TFDP2: variants seen among roughly 807,000 people sequenced by gnomAD.
The protein encoded by TFDP2 is transcription factor Dp-2 (E2F dimerization partner 2).
Under a neutral mutation model 59.3 loss-of-function variants are expected in TFDP2, and 17 were observed. The ratio of observed to expected loss-of-function variants is 0.29; its 90% CI spans 0.20 to 0.43. The LOEUF is 0.43. TFDP2 is among the 20% of genes least tolerant of loss of function. The probability of loss-of-function intolerance (pLI) is 1.00; values close to 1 mark genes in which losing one functional copy is unlikely to be tolerated. For synonymous variants in TFDP2, 180 were observed against 194.7 expected (o/e 0.92, Z 0.63); for missense variants, 391 against 528.8 (o/e 0.74, Z 2.56).
At chr3:142,056,115 G>A (rs755518166) in intron 3 of TFDP2, among the ~76,000 whole-genome samples, 2 of 151,146 alleles carry the variant, frequency 1.3e-5, no homozygotes, top group East Asian at 1.9e-4. Context: ...CACCACATCC[G>A]GCTAATTTTT....
chr3:141,973,059 G>T (rs1288192313), intron 8 of TFDP2, among the ~76,000 whole-genome samples: 1 of 141,162 alleles, frequency 7.1e-6, no homozygotes, highest in African/African-American at 2.6e-5. Context: ...GAGAAAAACA[G>T]GAAACCAATC....
chr3:142,091,844 A>G (rs2108615992), intron 3 of TFDP2, among the ~76,000 whole-genome samples: 1 of 152,238 alleles, frequency 6.6e-6, no homozygotes, highest in African/African-American at 2.4e-5. Context: ...ATGAGAATCT[A>G]ATGCTCACTT....
chr3:142,133,434 G>C (rs2062591160), intron 1 of TFDP2, among the ~76,000 whole-genome samples: 1 of 149,662 alleles, frequency 6.7e-6, no homozygotes, highest in South Asian at 2.1e-4. Context: ...TCATACTCCT[G>C]GGCTCAAACC....
chr3:141,977,106 A>ATATT (rs1371079134), intron 7 of TFDP2, among the ~76,000 whole-genome samples: 3 of 97,520 alleles, frequency 3.1e-5, no homozygotes, highest in Admixed American at 1.1e-4. Flanking sequence ...ATATATATAT[A>ATATT]TTTTTTTTTT....
chr3:142,051,753 T>C (rs887653219), intron 3 of TFDP2, among the ~76,000 whole-genome samples: 3 of 152,214 alleles, frequency 2.0e-5, no homozygotes, highest in Non-Finnish European at 2.9e-5. Context: ...TTTTGACTGG[T>C]TGTTGCTGGA....
At chr3:142,066,007 G>A (rs1482650758) in intron 3 of TFDP2, among the ~76,000 whole-genome samples, 1 of 152,148 alleles carries the variant, frequency 6.6e-6, no homozygotes. Context: ...AAACACTGAA[G>A]TAATTTCTAA....
intron 3 of TFDP2, among the ~76,000 whole-genome samples, chr3:142,028,025 T>C (rs536882475): frequency 2.6e-5 from 4 of 152,260 alleles, no homozygotes; most frequent in African/African-American, 9.6e-5. Flanking sequence ...GCACAAATAC[T>C]TTTAAGAAAA....
chr3:142,009,151 G>C (rs1944441881), intron 3 of TFDP2, among the ~76,000 whole-genome samples: 1 of 152,070 alleles, frequency 6.6e-6, no homozygotes, highest in Non-Finnish European at 1.5e-5. Flanking sequence ...ATCTAGTTTA[G>C]TCCTTGGCAC....
rs1398173194 is a variant in TFDP2 at position 141,946,546 on chromosome 3, C to T, written c.*5967G>A. 6.6e-6 allele frequency: 1 copy of T among 152,198 alleles called. No homozygotes were observed. The highest frequency in any genetic ancestry group is 2.4e-5 in the African/African-American group (1 of 41,448). 9.4% of individuals were successfully genotyped at this position (152,198 alleles called of 1,614,324 possible). On this transcript the variant is annotated 3_prime_UTR_variant, in exon 13 of 13. Coordinates refer to ENST00000489671, the MANE Select transcript of TFDP2 (RefSeq NM_001178139.2). Reference sequence around the variant, plus strand: ...CTGGACCTGTCAGGGACTCCCAGGGCTTAGCCAGAGGGTCAAAGTGTTGTG... The same window carrying T: ...CTGGACCTGTCAGGGACTCCCAGGGTTTAGCCAGAGGGTCAAAGTGTTGTG...
At chr3:142,074,128 C>T (rs2060356145) in intron 3 of TFDP2, among the ~76,000 whole-genome samples, 1 of 152,232 alleles carries the variant, frequency 6.6e-6, no homozygotes, top group Non-Finnish European at 1.5e-5. Flanking sequence ...CAGAAATAGG[C>T]CAGGTGCAGT....
intron 6 of TFDP2, among the ~76,000 whole-genome samples, chr3:141,984,199 G>A (rs78399073): frequency 0.06 from 9,119 of 152,242 alleles, 299 homozygotes; most frequent in African/African-American, 0.094. Flanking sequence ...ACATAAGCCA[G>A]ACATAAAAAG....
In TFDP2 at chr3:142,139,941, G is replaced by C. The variant is rs373967677; in HGVS notation, c.-93+9242C>G. Among the ~76,000 whole-genome samples, 144 of 152,246 alleles carry C rather than the reference G, an allele frequency of 9.5e-4. 1 individual carries two copies. The East Asian group carries it at 0.024, about 25-fold the overall frequency. On this transcript the variant is annotated intron_variant, in intron 1 of 12. Transcript: ENST00000489671. ...TTGCTAGGTTGGGGAAGTTCTCCTG[G>C]ATAATACCCTGAAGAGTGTTTTCCA...
Position 141,955,070 on chromosome 3 carries a change from TC to T in TFDP2, c.1052-2055del, listed in dbSNP as rs576636712. Among the ~76,000 whole-genome samples, 87 of 152,288 alleles carry T rather than the reference TC, an allele frequency of 5.7e-4. 1 individual carries two copies. The East Asian group carries it at 0.016, about 28-fold the overall frequency. On this transcript the variant is annotated intron_variant, in intron 11 of 12. Transcript: ENST00000489671. ...CAAGAAAATAAAATTAAAGCCAGAA[TC>T]TTGTGCTGAATATTAATTAGTATAT...
intron 8 of TFDP2, among the ~76,000 whole-genome samples, chr3:141,973,113 ATATATATATATT>A (rs1473389826): frequency 9.3e-6 from 1 of 107,012 alleles, no homozygotes; most frequent in African/African-American, 3.7e-5. Flanking sequence ...ATATATATAT[ATATATATATATT>A]TTTTTTTTTT....
At chr3:142,075,906 C>CAAAAAAAAAAAAAAAAAA (rs60581045) in intron 3 of TFDP2, among the ~76,000 whole-genome samples, 14 of 80,710 alleles carry the variant, frequency 1.7e-4, no homozygotes, top group African/African-American at 7.1e-4. Flanking sequence ...GAACCTGCCT[C>CAAAAAAAAAAAAAAAAAA]AAAAAAAAAA....
intron 3 of TFDP2, among the ~76,000 whole-genome samples, chr3:142,041,499 G>T (rs1946968844): frequency 6.6e-6 from 1 of 152,170 alleles, no homozygotes; most frequent in Admixed American, 6.5e-5. Flanking sequence ...ACGCTCTCTT[G>T]CCTGCCATCA....
chr3:142,110,278 C>T (rs2061606788), intron 1 of TFDP2, among the ~76,000 whole-genome samples: 1 of 152,014 alleles, frequency 6.6e-6, no homozygotes, highest in African/African-American at 2.4e-5. Context: ...CCAAGGCAGG[C>T]AGATCACCTG....
At chr3:142,112,338 C>T (rs1283674916) in intron 1 of TFDP2, among the ~76,000 whole-genome samples, 1 of 152,164 alleles carries the variant, frequency 6.6e-6, no homozygotes, top group Non-Finnish European at 1.5e-5. Flanking sequence ...TAACAAGATT[C>T]TCAGCTCAGA....
intron 3 of TFDP2, among the ~76,000 whole-genome samples, chr3:142,027,834 T>C (rs1257349276): frequency 6.6e-6 from 1 of 152,118 alleles, no homozygotes; most frequent in Non-Finnish European, 1.5e-5. Flanking sequence ...TATGCTATAT[T>C]TTCTTTGCCA....
Sources: gnomAD v4.1 joint callset for allele counts (sites outside exome capture counted in the v4.1 genomes callset) on GRCh38, gnomAD v4.1.1 for gene constraint, MANE v1.5 for transcripts, NCBI Gene and HGNC (gene_info 2026-07-23, HGNC 2026-07-21) for gene names.